The following FAM110B variants were observed in gnomAD, a reference collection of about 807,000 sequenced individuals.
The protein encoded by FAM110B is protein FAM110B.
In FAM110B, 6 loss-of-function variants were observed where a neutral mutation model predicts 20.4. That is an observed-to-expected ratio of 0.29 (90% CI 0.16 to 0.58). The LOEUF (loss-of-function observed/expected upper bound fraction) is 0.58. Among genes scored for constraint, FAM110B ranks in the 20% least tolerant of loss-of-function variants. FAM110B has a pLI of 0.90. For missense variants in FAM110B, 434 were observed against 498.2 expected, an observed-to-expected ratio of 0.87 and a Z score of 1.23; for synonymous variants, 226 against 214.1, an observed-to-expected ratio of 1.06 and a Z score of -0.49.
At chr8:58,136,657 A>C (rs1247109627) in intron 3 of FAM110B, among the ~76,000 whole-genome samples, 1 of 152,186 alleles carries the variant, frequency 6.6e-6, no homozygotes, top group Non-Finnish European at 1.5e-5. Context: ...CCCAGGTAAA[A>C]GGCAAGGCTC....
At chr8:58,092,680 A>T (rs1404289030) in intron 3 of FAM110B, among the ~76,000 whole-genome samples, 3 of 152,272 alleles carry the variant, frequency 2.0e-5, no homozygotes, top group African/African-American at 7.2e-5. Context: ...AGTCTTTGCT[A>T]TTGTGAACGT....
intron 1 of FAM110B, among the ~76,000 whole-genome samples, chr8:58,024,403 T>C (rs1804814845): frequency 6.6e-6 from 1 of 152,124 alleles, no homozygotes; most frequent in Admixed American, 6.5e-5. Flanking sequence ...ATTTTCCAAT[T>C]GTTGGGAAAT....
At chr8:58,037,431 T>G (rs1182499090) in intron 2 of FAM110B, among the ~76,000 whole-genome samples, 2 of 151,452 alleles carry the variant, frequency 1.3e-5, no homozygotes, top group Non-Finnish European at 2.9e-5. Flanking sequence ...AGGCCAGGAG[T>G]TTGAGACCAG....
intron 3 of FAM110B, among the ~76,000 whole-genome samples, chr8:58,076,750 G>A (rs1384656143): frequency 1.3e-5 from 2 of 152,212 alleles, no homozygotes; most frequent in Non-Finnish European, 2.9e-5. Context: ...GTTGAAGAGT[G>A]TAAAGAGCAA....
chr8:58,088,502 A>C (rs1267994364), intron 3 of FAM110B, among the ~76,000 whole-genome samples: 2 of 152,218 alleles, frequency 1.3e-5, no homozygotes, highest in Non-Finnish European at 2.9e-5. Context: ...ATTTGAGTAG[A>C]AGGATTGTAT....
chr8:58,119,615 G>T (rs868155214), intron 3 of FAM110B, among the ~76,000 whole-genome samples: 12 of 152,166 alleles, frequency 7.9e-5, no homozygotes, highest in African/African-American at 2.9e-4. Flanking sequence ...CAAATAACTT[G>T]GTTCTAACTG....
intron 2 of FAM110B, among the ~76,000 whole-genome samples, chr8:58,072,964 G>A (rs1318247842): frequency 2.6e-5 from 4 of 152,194 alleles, no homozygotes; most frequent in African/African-American, 9.6e-5. Flanking sequence ...AGGTGGATTT[G>A]TGGCTGGTCA....
intron 2 of FAM110B, among the ~76,000 whole-genome samples, chr8:58,046,771 C>A (rs1392678412): frequency 1.3e-5 from 2 of 152,232 alleles, no homozygotes; most frequent in Non-Finnish European, 2.9e-5. Flanking sequence ...GATGCCAAGT[C>A]AGGCCACCAT....
chr8:58,039,124 T>C (rs1805149877), intron 2 of FAM110B, among the ~76,000 whole-genome samples: 1 of 152,240 alleles, frequency 6.6e-6, no homozygotes, highest in African/African-American at 2.4e-5. Context: ...CCTGACGGCA[T>C]TTCTCTGGAG....
chr8:58,010,029 C>T (rs1391494397), intron 1 of FAM110B, among the ~76,000 whole-genome samples: 3 of 152,000 alleles, frequency 2.0e-5, no homozygotes, highest in Non-Finnish European at 1.5e-5. Context: ...TGGTGAAACT[C>T]GGTTTGAGAC....
chr8:58,074,248 C>A (rs1449109390), intron 2 of FAM110B, among the ~76,000 whole-genome samples: 1 of 152,116 alleles, frequency 6.6e-6, no homozygotes, highest in African/African-American at 2.4e-5. Context: ...CTTTGCTACC[C>A]CCCTGTAAGT....
intron 3 of FAM110B, chr8:58,091,337 C>T (rs1806472043): frequency 6.6e-6 from 1 of 152,224 alleles, no homozygotes; most frequent in Non-Finnish European, 1.5e-5. Flanking sequence ...TTTCCAGCTC[C>T]TCGGGGTAGC....
intron 1 of FAM110B, among the ~76,000 whole-genome samples, chr8:58,026,001 G>T (rs1233192194): frequency 1.3e-5 from 2 of 152,156 alleles, no homozygotes; most frequent in African/African-American, 2.4e-5. Context: ...TTAGTAGTGG[G>T]GGTTAGCAAC....
At chr8:58,124,254 T>A (rs1425379155) in intron 3 of FAM110B, among the ~76,000 whole-genome samples, 1 of 152,222 alleles carries the variant, frequency 6.6e-6, no homozygotes, top group East Asian at 1.9e-4. Flanking sequence ...CACAGTAAGA[T>A]GATTTGTACT....
chr8:58,025,739 T>C (rs1585820889), intron 1 of FAM110B, among the ~76,000 whole-genome samples: 2 of 152,294 alleles, frequency 1.3e-5, no homozygotes, highest in East Asian at 1.9e-4. Flanking sequence ...TAGCAGGCAG[T>C]CCATTCAGAT....
At chr8:57,997,420 A>C (rs879199786) in intron 1 of FAM110B, among the ~76,000 whole-genome samples, 5 of 152,202 alleles carry the variant, frequency 3.3e-5, no homozygotes, top group Admixed American at 3.3e-4. Context: ...AAATATTATT[A>C]TGAAACTGTT....
intron 3 of FAM110B, among the ~76,000 whole-genome samples, chr8:58,108,681 T>C (rs1343446207): frequency 6.6e-6 from 1 of 152,202 alleles, no homozygotes; most frequent in Non-Finnish European, 1.5e-5. Flanking sequence ...CTCCTGCTCC[T>C]CCTGTCTCAT....
At chr8:58,045,851 CA>C (rs1189192811) in intron 2 of FAM110B, among the ~76,000 whole-genome samples, 1 of 152,144 alleles carries the variant, frequency 6.6e-6, no homozygotes, top group African/African-American at 2.4e-5. Flanking sequence ...AATATATAAA[CA>C]ACAGAAATTG....
chr8:58,069,548 T>C (rs1302204064), intron 2 of FAM110B, among the ~76,000 whole-genome samples: 1 of 152,200 alleles, frequency 6.6e-6, no homozygotes, highest in Non-Finnish European at 1.5e-5. Flanking sequence ...ATGTGTTTAA[T>C]TTTTCCTTTT....
Sources: allele counts gnomAD v4.1 joint callset (sites outside exome capture counted in the v4.1 genomes callset), GRCh38; gene constraint gnomAD v4.1.1; transcripts MANE v1.5; gene names NCBI Gene and HGNC (gene_info 2026-07-23, HGNC 2026-07-21).